The following ADAMTS2 variants were observed in gnomAD, a reference collection of about 807,000 sequenced individuals.
ADAMTS2 encodes A disintegrin and metalloproteinase with thrombospondin motifs 2.
Under a neutral mutation model 123.0 loss-of-function variants are expected in ADAMTS2, and 50 were observed. The ratio of observed to expected loss-of-function variants is 0.41; its 90% CI spans 0.32 to 0.51. The LOEUF (loss-of-function observed/expected upper bound fraction) is 0.51, where lower values mean the gene tolerates loss of function less well. Ranked by LOEUF, ADAMTS2 falls within the 20% of genes least tolerant of loss-of-function variation. The pLI is 0.35. For synonymous variants in ADAMTS2, 678 were observed against 695.4 expected (o/e 0.98, Z 0.39); for missense variants, 1,494 against 1,705.2 (o/e 0.88, Z 2.18).
chr5:179,252,716 A>G (rs1278110529), intron 3 of ADAMTS2, among the ~76,000 whole-genome samples: 1 of 152,198 alleles, frequency 6.6e-6, no homozygotes, highest in Non-Finnish European at 1.5e-5. Flanking sequence ...GTGCTTGAGA[A>G]AAAGAAATAA....
chr5:179,123,627 C>T (rs1490738243), intron 19 of ADAMTS2, among the ~76,000 whole-genome samples: 1 of 152,332 alleles, frequency 6.6e-6, no homozygotes, highest in African/African-American at 2.4e-5. Flanking sequence ...CGGTGTTTTG[C>T]CATGCCGCCC....
chr5:179,308,471 AGCAAGGGT>A lies in ADAMTS2; in HGVS notation c.534+35288_534+35295del, dbSNP rs1756736640. On this transcript the variant is annotated intron_variant, in intron 2 of 21. Transcript: ENST00000251582. The surrounding 1 kb of genome is among the most constrained non-coding windows in gnomAD (Gnocchi z 6.6). ...GAACGGGCAGCCGCCACTGTTCACG[AGCAAGGGT>A]GCAGGGGCACCAGAGCCCACAGGAG... Among the ~76,000 whole-genome samples, 1 of 152,174 alleles carries A rather than the reference AGCAAGGGT, an allele frequency of 6.6e-6. No individual in the cohort carries two copies. Among genetic ancestry groups the A allele is most frequent in the Non-Finnish European group, 1.5e-5 (1 of 68,022 alleles).
Position 179,307,553 on chromosome 5 carries a change from G to A in ADAMTS2, c.535-34489C>T, listed in dbSNP as rs994111958. ...TGACCTCATTCTCTATGCTCCTCACGGCTGCCCCACAGAATCTCTGAAACA... is the reference window on the plus strand; with the variant it reads ...TGACCTCATTCTCTATGCTCCTCACAGCTGCCCCACAGAATCTCTGAAACA... On this transcript the variant is annotated intron_variant, in intron 2 of 21. Coordinates refer to ENST00000251582, the MANE Select transcript of ADAMTS2 (RefSeq NM_014244.5). The surrounding 1 kb of genome is among the most constrained non-coding windows in gnomAD (Gnocchi z 5.6). 3.3e-5 allele frequency among the ~76,000 whole-genome samples: 5 copies of A among 152,082 alleles called. No individual in the cohort carries two copies. Among genetic ancestry groups the A allele is most frequent in the African/African-American group, 9.7e-5 (4 of 41,406 alleles).
intron 5 of ADAMTS2, among the ~76,000 whole-genome samples, chr5:179,168,335 A>G: frequency 6.6e-6 from 1 of 152,164 alleles, no homozygotes; most frequent in Non-Finnish European, 1.5e-5. Context: ...CAGGACAAGG[A>G]GCCTGAAGCT....
chr5:179,195,971 T>C (rs1764421558), intron 4 of ADAMTS2, among the ~76,000 whole-genome samples: 1 of 152,160 alleles, frequency 6.6e-6, no homozygotes, highest in African/African-American at 2.4e-5. Flanking sequence ...AACTATGACT[T>C]GGGGCGACGC....
rs114118063 is a variant in ADAMTS2 at position 179,218,701 on chromosome 5, C to T, written c.689-10986G>A. On this transcript the variant is annotated intron_variant, in intron 3 of 21. Coordinates refer to ENST00000251582, the MANE Select transcript of ADAMTS2 (RefSeq NM_014244.5). Reference sequence around the variant, plus strand: ...AGGAGCGCATCAGGAACCGCTGTGCCGAATCTCAGGGGCAGTCCTGACAGT... The same window carrying T: ...AGGAGCGCATCAGGAACCGCTGTGCTGAATCTCAGGGGCAGTCCTGACAGT... Among the ~76,000 whole-genome samples, 1,201 of 152,302 alleles carry T rather than the reference C, an allele frequency of 7.9e-3. 11 individuals are homozygous for T. The highest frequency in any genetic ancestry group is 0.013 in the African/African-American group (551 of 41,548).
intron 3 of ADAMTS2, among the ~76,000 whole-genome samples, chr5:179,258,468 AC>A (rs1427903823): frequency 5.9e-5 from 9 of 151,826 alleles, no homozygotes; most frequent in African/African-American, 2.2e-4. Context: ...AAGCCTGGCC[AC>A]CCCAGCCTCG....
intron 4 of ADAMTS2, among the ~76,000 whole-genome samples, chr5:179,187,036 C>G (rs1160263360): frequency 1.3e-5 from 2 of 152,096 alleles, no homozygotes; most frequent in African/African-American, 4.8e-5. Flanking sequence ...GATACCTCCC[C>G]ACATGGCACC....
intron 3 of ADAMTS2, among the ~76,000 whole-genome samples, chr5:179,222,017 A>T (rs914848255): frequency 8.6e-5 from 13 of 151,974 alleles, no homozygotes; most frequent in African/African-American, 3.1e-4. Context: ...CAGAGACAGC[A>T]CCGAGAGGCC....
At chr5:179,284,464 G>A (rs1313279819) in intron 2 of ADAMTS2, among the ~76,000 whole-genome samples, 1 of 151,848 alleles carries the variant, frequency 6.6e-6, no homozygotes, top group Non-Finnish European at 1.5e-5. Context: ...TCAGTTCACT[G>A]AGACCTCTGC....
chr5:179,299,478 A>T (rs141062730), intron 2 of ADAMTS2, among the ~76,000 whole-genome samples: 1 of 142,942 alleles, frequency 7.0e-6, no homozygotes, highest in Non-Finnish European at 1.5e-5. Flanking sequence ...GCAGTGAGCC[A>T]AGATCACACC....
At chr5:179,328,080 G>A (rs1487357813) in intron 2 of ADAMTS2, among the ~76,000 whole-genome samples, 3 of 152,228 alleles carry the variant, frequency 2.0e-5, no homozygotes, top group Admixed American at 6.5e-5. Context: ...CCAGGCTGGA[G>A]TGCAGTGGTG....
At position 179,124,859 on chromosome 5, in the gene ADAMTS2, C is replaced by G. The variant is rs1203630591; in HGVS notation, c.2958+114G>C. On this transcript the variant is annotated intron_variant, in intron 19 of 21. Transcript: ENST00000251582. ...GGGCGTCATTGCAGTGCTTGGCATG[C>G]ACGGAGCGGGTGGTGGTGTTGTGTA... The G allele has an allele frequency of 9.4e-6, 15 of 1,596,932 alleles. No homozygotes were observed. The East Asian group carries it at 3.2e-4, about 34-fold the overall frequency.
chr5:179,174,808 C>A (rs4701070), intron 5 of ADAMTS2, among the ~76,000 whole-genome samples: 19,151 of 147,216 alleles, frequency 0.13, 1,101 homozygotes, highest in African/African-American at 0.17. Context: ...GAAGTCTCTT[C>A]CTTGCTTGGG....
In ADAMTS2 at chr5:179,272,929, G is replaced by GC. The variant is rs748037345; in HGVS notation, c.669dup (p.Pro224AlafsTer42). On this transcript the variant is annotated frameshift_variant, in exon 3 of 22. Transcript: ENST00000251582. LOFTEE classifies it high-confidence loss of function. The surrounding 1 kb of genome is among the most constrained non-coding windows in gnomAD (Gnocchi z 5.8). ...GCCTCACCTGTGTCCAGGGCCTGTGGCCCCCCGAGAGGAGGGGACGTGGGT... is the reference window on the plus strand; with the variant it reads ...GCCTCACCTGTGTCCAGGGCCTGTGGCCCCCCCGAGAGGAGGGGACGTGGGT... The GC allele has an allele frequency of 6.2e-7, 1 of 1,610,254 alleles. No individual in the cohort carries two copies.
At chr5:179,269,921 G>A (rs1766482964) in intron 3 of ADAMTS2, among the ~76,000 whole-genome samples, 1 of 152,146 alleles carries the variant, frequency 6.6e-6, no homozygotes, top group Admixed American at 6.5e-5. Context: ...TCCTGGCCAG[G>A]TTCCCAGGCC....
intron 4 of ADAMTS2, among the ~76,000 whole-genome samples, chr5:179,203,924 T>C (rs1764621553): frequency 6.6e-6 from 1 of 152,290 alleles, no homozygotes; most frequent in Admixed American, 6.5e-5. Context: ...CTATTCACAG[T>C]AGCCCATGAG....
intron 4 of ADAMTS2, among the ~76,000 whole-genome samples, chr5:179,184,188 C>T (rs188787272): frequency 1.9e-3 from 284 of 152,152 alleles, no homozygotes; most frequent in Admixed American, 4.6e-3. Context: ...GCTGAGTGCC[C>T]GAGATGAGGG....
At chr5:179,192,128 T>C (rs1235622814) in intron 4 of ADAMTS2, among the ~76,000 whole-genome samples, 2 of 152,168 alleles carry the variant, frequency 1.3e-5, no homozygotes, top group African/African-American at 4.8e-5. Flanking sequence ...GGAGAGGCCC[T>C]GGCAGAGCAG....
Sources: gnomAD v4.1 joint callset for allele counts (sites outside exome capture counted in the v4.1 genomes callset) on GRCh38, gnomAD v4.1.1 for gene constraint, Gnocchi (gnomAD v3.1) non-coding constraint, MANE v1.5 for transcripts, NCBI Gene and HGNC (gene_info 2026-07-23, HGNC 2026-07-21) for gene names.